Variants in ANKS1B observed in about 807,000 individuals in gnomAD.
The protein encoded by ANKS1B is ankyrin repeat and sterile alpha motif domain containing 1B.
Under a neutral mutation model 148.3 loss-of-function variants are expected in ANKS1B, and 36 were observed. That is an observed-to-expected ratio of 0.24 (90% CI 0.19 to 0.32). ANKS1B has a LOEUF of 0.32. Ranked by LOEUF, ANKS1B falls within the 10% of genes least tolerant of loss-of-function variation. The pLI is 1.00. For missense variants in ANKS1B, 1,157 were observed against 1,542.6 expected (o/e 0.75, Z 4.19); for synonymous variants, 542 against 560.8 (o/e 0.97, Z 0.47).
chr12:99,421,975 A>G (rs1331178178), intron 11 of ANKS1B, among the ~76,000 whole-genome samples: 1 of 152,148 alleles, frequency 6.6e-6, no homozygotes, highest in East Asian at 1.9e-4. Flanking sequence ...GCCTGCTTGC[A>G]CTTCACAACT....
intron 1 of ANKS1B, among the ~76,000 whole-genome samples, chr12:99,843,382 T>C (rs542104719): frequency 6.6e-6 from 1 of 152,226 alleles, no homozygotes; most frequent in East Asian, 1.9e-4. Context: ...ATCCATTAGC[T>C]ATTCTTCTTG....
intron 10 of ANKS1B, among the ~76,000 whole-genome samples, chr12:99,458,019 G>C (rs756342866): frequency 6.6e-6 from 1 of 152,034 alleles, no homozygotes; most frequent in Non-Finnish European, 1.5e-5. Context: ...TAGACCATAT[G>C]ATAGGCCATA....
At chr12:99,752,744 C>T (rs909723152) in intron 8 of ANKS1B, among the ~76,000 whole-genome samples, 2 of 151,904 alleles carry the variant, frequency 1.3e-5, no homozygotes, top group African/African-American at 4.8e-5. Context: ...TCTGAAAACA[C>T]ATTACTATTG....
chr12:99,559,559 C>T (rs891872502), intron 9 of ANKS1B, among the ~76,000 whole-genome samples: 3 of 152,146 alleles, frequency 2.0e-5, no homozygotes, highest in African/African-American at 7.2e-5. Flanking sequence ...TCAATATTTT[C>T]TGAAAACCTA....
chr12:99,701,031 A>ACG (rs2054726864), intron 8 of ANKS1B, among the ~76,000 whole-genome samples: 2 of 152,166 alleles, frequency 1.3e-5, no homozygotes, highest in South Asian at 4.1e-4. Flanking sequence ...TTTGGTGAGT[A>ACG]CGTGGTCTAA....
chr12:99,355,582 C>T (rs2091899514), intron 12 of ANKS1B, among the ~76,000 whole-genome samples: 1 of 152,094 alleles, frequency 6.6e-6, no homozygotes, highest in Non-Finnish European at 1.5e-5. Context: ...ATTTGGTGGC[C>T]TCTGCATGGA....
intron 8 of ANKS1B, among the ~76,000 whole-genome samples, chr12:99,704,943 G>A (rs1010411661): frequency 6.6e-6 from 1 of 151,880 alleles, no homozygotes; most frequent in African/African-American, 2.4e-5. Flanking sequence ...AACAAGAAAG[G>A]AAACTACAGT....
intron 17 of ANKS1B, among the ~76,000 whole-genome samples, chr12:98,913,636 T>G (rs915423581): frequency 2.6e-5 from 4 of 152,298 alleles, no homozygotes; most frequent in Admixed American, 1.3e-4. Flanking sequence ...ATATTTTTTT[T>G]GTTGTTGTTG....
chr12:99,190,265 C>T (rs2080475739), intron 14 of ANKS1B, among the ~76,000 whole-genome samples: 1 of 152,090 alleles, frequency 6.6e-6, no homozygotes, highest in Admixed American at 6.6e-5. Flanking sequence ...TCCATACTAC[C>T]CAAAGCAATT....
intron 16 of ANKS1B, among the ~76,000 whole-genome samples, chr12:99,076,969 T>C (rs961541477): frequency 1.3e-5 from 2 of 152,132 alleles, no homozygotes; most frequent in African/African-American, 4.8e-5. Flanking sequence ...ATTTATGATA[T>C]GGCTTTTCAC....
intron 17 of ANKS1B, among the ~76,000 whole-genome samples, chr12:99,046,530 T>TG (rs1399082743): frequency 2.6e-5 from 4 of 152,108 alleles, no homozygotes; most frequent in African/African-American, 9.7e-5. Context: ...CCGGGTGCGG[T>TG]GGCTCATGCC....
In ANKS1B at chr12:98,836,732, T is replaced by G. The variant is rs200605148; in HGVS notation, c.2779-4596A>C. The stretch of plus-strand genomic sequence containing the variant: ...AGTAGAGAAGAATTCTGTGTTTTCG[T>G]TACTGTTTGGGTTAAAGTTAACTGT... On this transcript the variant is annotated intron_variant, in intron 17 of 26. Transcript: ENST00000683438. Among the ~76,000 whole-genome samples, 3 of 152,316 alleles carry G rather than the reference T, an allele frequency of 2.0e-5. No individual in the cohort carries two copies. In the East Asian group the frequency reaches 5.8e-4, roughly 29 times the overall value.
chr12:99,197,283 T>G (rs1306028011), intron 14 of ANKS1B, among the ~76,000 whole-genome samples: 2 of 152,138 alleles, frequency 1.3e-5, no homozygotes, highest in African/African-American at 4.8e-5. Flanking sequence ...AAAAGTAATA[T>G]TCAATCTCCT....
At chr12:99,847,910 G>T (rs1338514830) in intron 1 of ANKS1B, among the ~76,000 whole-genome samples, 1 of 152,070 alleles carries the variant, frequency 6.6e-6, no homozygotes, top group African/African-American at 2.4e-5. Context: ...GCTTAAGGCA[G>T]AGTGGGAGTA....
At chr12:99,463,647 A>G (rs889462571) in intron 10 of ANKS1B, among the ~76,000 whole-genome samples, 1 of 152,196 alleles carries the variant, frequency 6.6e-6, no homozygotes, top group Non-Finnish European at 1.5e-5. Context: ...TATCCTGTGC[A>G]TGGCTCGGAG....
At chr12:99,296,973 T>C (rs1166747401) in intron 12 of ANKS1B, among the ~76,000 whole-genome samples, 5 of 152,194 alleles carry the variant, frequency 3.3e-5, no homozygotes, top group African/African-American at 9.6e-5. Context: ...GGCTAGATTA[T>C]GGCATTTCAG....
intron 22 of ANKS1B, among the ~76,000 whole-genome samples, chr12:98,787,223 ACAC>A (rs1490438604): frequency 6.6e-6 from 1 of 152,210 alleles, no homozygotes; most frequent in Non-Finnish European, 1.5e-5. Flanking sequence ...AAAAAGCAGA[ACAC>A]CAATCAGCAA....
intron 9 of ANKS1B, among the ~76,000 whole-genome samples, chr12:99,554,012 A>G (rs1488436251): frequency 6.6e-6 from 1 of 152,202 alleles, no homozygotes; most frequent in Non-Finnish European, 1.5e-5. Flanking sequence ...AGCTGCTAGT[A>G]GAAACCATGT....
At chr12:99,238,084 C>T (rs1339073090) in intron 14 of ANKS1B, among the ~76,000 whole-genome samples, 3 of 152,214 alleles carry the variant, frequency 2.0e-5, no homozygotes, top group African/African-American at 4.8e-5. Flanking sequence ...CGAGCTGAAG[C>T]AGGGCGGGGT....
Sources: allele counts gnomAD v4.1 joint callset (sites outside exome capture counted in the v4.1 genomes callset), GRCh38; gene constraint gnomAD v4.1.1; transcripts MANE v1.5; gene names NCBI Gene and HGNC (gene_info 2026-07-23, HGNC 2026-07-21).